The following TBL1XR1 variants were observed in gnomAD, a reference collection of about 807,000 sequenced individuals.
TBL1XR1 encodes the protein F-box-like/WD repeat-containing protein TBL1XR1.
A neutral mutation model predicts 66.9 loss-of-function variants in TBL1XR1; 5 were observed. The observed-to-expected ratio is 0.07, with a 90% CI of 0.04 to 0.16. The LOEUF (loss-of-function observed/expected upper bound fraction) is 0.16, where lower values mean the gene tolerates loss of function less well. Among genes scored for constraint, TBL1XR1 ranks in the 10% least tolerant of loss-of-function variants. TBL1XR1 has a pLI of 1.00. For synonymous variants in TBL1XR1, 210 were observed against 206.0 expected, an observed-to-expected ratio of 1.02 and a Z score of -0.17; for missense variants, 238 against 623.2, an observed-to-expected ratio of 0.38 and a Z score of 6.58.
chr3:177,130,818 T>C (rs1214497297), intron 1 of TBL1XR1, among the ~76,000 whole-genome samples: 1 of 152,160 alleles, frequency 6.6e-6, no homozygotes, highest in Non-Finnish European at 1.5e-5. Context: ...AGAAATGTTT[T>C]GAAAGAAAAG....
intron 1 of TBL1XR1, among the ~76,000 whole-genome samples, chr3:177,170,864 C>CA (rs781165965): frequency 2.0e-5 from 3 of 152,092 alleles, no homozygotes; most frequent in Non-Finnish European, 4.4e-5. Context: ...CTCAGCCTCC[C>CA]AAAGTGCTGG....
At chr3:177,087,478 AG>A (rs1722290870) in intron 2 of TBL1XR1, among the ~76,000 whole-genome samples, 1 of 152,158 alleles carries the variant, frequency 6.6e-6, no homozygotes, top group Non-Finnish European at 1.5e-5. Context: ...CTCTCCTTAC[AG>A]GTGCTAGTAA....
intron 1 of TBL1XR1, among the ~76,000 whole-genome samples, chr3:177,187,136 C>A (rs1294379238): frequency 6.8e-6 from 1 of 147,940 alleles, no homozygotes; most frequent in Non-Finnish European, 1.5e-5. Context: ...CACTGTACTC[C>A]AGCCTGGGCA....
upstream of TBL1XR1, among the ~76,000 whole-genome samples, chr3:177,199,198 G>A (rs1737284970): frequency 6.6e-6 from 1 of 152,172 alleles, no homozygotes; most frequent in Admixed American, 6.5e-5. Flanking sequence ...ATTAAACAAT[G>A]TCACCCGATG....
intron 1 of TBL1XR1, among the ~76,000 whole-genome samples, chr3:177,129,157 A>C (rs1413006200): frequency 6.6e-6 from 1 of 152,240 alleles, no homozygotes; most frequent in Non-Finnish European, 1.5e-5. Flanking sequence ...ATGGCCACAA[A>C]AAATTGTATT....
At chr3:177,142,517 A>G (rs1729750986) in intron 1 of TBL1XR1, among the ~76,000 whole-genome samples, 1 of 152,170 alleles carries the variant, frequency 6.6e-6, no homozygotes, top group African/African-American at 2.4e-5. Context: ...AAGTGTTTTC[A>G]TCTCTTCCCT....
At position 177,146,589 on chromosome 3, in the gene TBL1XR1, C is replaced by CAAAAAAAAAAAAAAAAAAAAAAA. The variant is rs78065426; in HGVS notation, c.-121-48049_-121-48048insTTTTTTTTTTTTTTTTTTTTTTT. ...TGGGCAGCTGAGCGAGACTCCATCTCAAAAAAAAAAAAAAAAAAGTTGTAT... is the reference window on the plus strand; with the variant it reads ...TGGGCAGCTGAGCGAGACTCCATCTCAAAAAAAAAAAAAAAAAAAAAAAAAAAAAAAAAAAAAAAAAGTTGTAT... On this transcript the variant is annotated intron_variant, in intron 1 of 15. Transcript: ENST00000457928. Among the ~76,000 whole-genome samples, 94 of 51,934 alleles carry CAAAAAAAAAAAAAAAAAAAAAAA rather than the reference C, an allele frequency of 1.8e-3. 16 individuals carry two copies. The highest frequency in any genetic ancestry group is 2.3e-3 in the Non-Finnish European group (65 of 28,714). The allele number at this position is 51,934 out of a possible 152,430, so 34.1% of individuals were successfully genotyped here.
At chr3:177,098,586 T>C (rs1723796725) in intron 1 of TBL1XR1, 45 bp from the exon 2 acceptor site, 3 of 949,292 alleles carry the variant, frequency 3.2e-6, no homozygotes, top group South Asian at 9.7e-5. Flanking sequence ...CTAAAACAAA[T>C]TCAGTTTAAA....
At chr3:177,193,585 A>G (rs371580599) in intron 1 of TBL1XR1, among the ~76,000 whole-genome samples, 2 of 152,224 alleles carry the variant, frequency 1.3e-5, no homozygotes, top group African/African-American at 4.8e-5. Context: ...CTTGGATTAC[A>G]GGCGTGAGCC....
chr3:177,138,168 T>C (rs1048319258), intron 1 of TBL1XR1, among the ~76,000 whole-genome samples: 1 of 152,156 alleles, frequency 6.6e-6, no homozygotes, highest in Non-Finnish European at 1.5e-5. Flanking sequence ...AAGGAAACAA[T>C]GATGGTACTT....
intron 1 of TBL1XR1, among the ~76,000 whole-genome samples, chr3:177,185,721 A>C (rs140165260): frequency 6.2e-4 from 95 of 152,150 alleles, no homozygotes; most frequent in African/African-American, 2.1e-3. Context: ...TATATAAAAG[A>C]AGCATTGGCT....
intron 2 of TBL1XR1, among the ~76,000 whole-genome samples, chr3:177,092,206 G>C (rs1244287819): frequency 1.3e-5 from 2 of 152,112 alleles, no homozygotes; most frequent in Non-Finnish European, 2.9e-5. Context: ...GAGCATTTCA[G>C]ATTAGAGGTA....
rs144494846 is a variant in TBL1XR1, at chr3:177,157,378, G to C, written c.-122+39743C>G. 2.6e-5 allele frequency among the ~76,000 whole-genome samples: 4 copies of C among 152,288 alleles called. No individual in the cohort carries two copies. In the East Asian group the frequency reaches 7.7e-4, roughly 29 times the overall value. The stretch of plus-strand genomic sequence containing the variant: ...TCTGACCATTCTTCAGCAGTCATTA[G>C]TCCTATCACCCTCTCACTACAGATT... On this transcript the variant is annotated intron_variant, in intron 1 of 15. Coordinates refer to ENST00000457928, the MANE Select transcript of TBL1XR1 (RefSeq NM_024665.7).
At position 177,019,879 on chromosome 3, in the gene TBL1XR1, G is replaced by C. The variant is rs1712129160; in HGVS notation, c.*5619C>G. The C allele has an allele frequency of 6.6e-6, 1 of 151,582 alleles. No individual in the cohort carries two copies. Among genetic ancestry groups the C allele is most frequent in the African/African-American group, 2.4e-5 (1 of 41,218 alleles). The allele number at this position is 151,582 out of a possible 1,614,324, so 9.4% of individuals were successfully genotyped here. On this transcript the variant is annotated 3_prime_UTR_variant, in exon 16 of 16. Transcript: ENST00000457928. ...TGAAAATGAAAGCATGTCAGTTCTA[G>C]CAACTGCAGTGGCTTATTTCTAATA...
intron 14 of TBL1XR1, among the ~76,000 whole-genome samples, chr3:177,031,459 G>A (rs191160940): frequency 0.01 from 1,544 of 151,150 alleles, 32 homozygotes; most frequent in African/African-American, 0.035. Context: ...TCAGCCTCCC[G>A]AGTAGCTGAG....
intron 10 of TBL1XR1, among the ~76,000 whole-genome samples, chr3:177,039,485 T>G (rs1291576904): frequency 6.6e-6 from 1 of 152,236 alleles, no homozygotes; most frequent in Non-Finnish European, 1.5e-5. Context: ...AAATCTGTTC[T>G]TGTCAAACAC....
intron 1 of TBL1XR1, among the ~76,000 whole-genome samples, chr3:177,122,624 A>T (rs774716429): frequency 3.3e-5 from 5 of 152,168 alleles, no homozygotes; most frequent in Non-Finnish European, 7.4e-5. Flanking sequence ...ATGTTATTAA[A>T]GTCGAGTGTG....
At chr3:177,034,488 T>A (rs1714483083) in intron 12 of TBL1XR1, among the ~76,000 whole-genome samples, 163 bp from the exon 13 acceptor site, 1 of 151,194 alleles carries the variant, frequency 6.6e-6, no homozygotes, top group Non-Finnish European at 1.5e-5. Flanking sequence ...CAATAGGATA[T>A]ATTTAATATT....
At chr3:177,152,021 T>A (rs1022898150) in intron 1 of TBL1XR1, among the ~76,000 whole-genome samples, 1 of 152,196 alleles carries the variant, frequency 6.6e-6, no homozygotes, top group Non-Finnish European at 1.5e-5. Flanking sequence ...CAAGAAACTG[T>A]ACTCTTTTGT....
Sources: gnomAD v4.1 joint callset for allele counts (sites outside exome capture counted in the v4.1 genomes callset) on GRCh38, gnomAD v4.1.1 for gene constraint, MANE v1.5 for transcripts, NCBI Gene and HGNC (gene_info 2026-07-23, HGNC 2026-07-21) for gene names.